The following PDE1A variants were observed in gnomAD, a reference collection of about 807,000 sequenced individuals.
PDE1A encodes phosphodiesterase 1A.
PDE1A carries 35 observed loss-of-function variants against 61.7 expected under a neutral mutation model. The ratio of observed to expected loss-of-function variants is 0.57; its 90% CI spans 0.43 to 0.75. The LOEUF (loss-of-function observed/expected upper bound fraction) is 0.75, where lower values mean the gene tolerates loss of function less well. PDE1A is among the 30% of genes least tolerant of loss of function. The pLI is 0.00. For synonymous variants in PDE1A, 232 were observed against 213.2 expected (o/e 1.09, Z -0.77); for missense variants, 597 against 630.6 (o/e 0.95, Z 0.57).
chr2:182,311,161 G>T lies in PDE1A; in HGVS notation c.54-46747C>A, dbSNP rs531143107. 2.7e-4 allele frequency among the ~76,000 whole-genome samples: 41 copies of T among 152,300 alleles called. 1 individual carries two copies. Among genetic ancestry groups the T allele is most frequent in the African/African-American group, 9.1e-4 (38 of 41,566 alleles). ...CAAAATGTTGGATTATTGAATAGCAGTAAGTTTTTCCTAACTCATATTATA... is the reference window on the plus strand; with the variant it reads ...CAAAATGTTGGATTATTGAATAGCATTAAGTTTTTCCTAACTCATATTATA... On this transcript the variant is annotated intron_variant, in intron 1 of 13. Transcript: ENST00000351439.
chr2:182,420,867 T>C (rs1703233407), intron 1 of PDE1A, among the ~76,000 whole-genome samples: 1 of 152,178 alleles, frequency 6.6e-6, no homozygotes, highest in Non-Finnish European at 1.5e-5. Flanking sequence ...ACTCAGGAAA[T>C]GTTGAATTTT....
chr2:182,609,218 A>G, the PDE1A span, among the ~76,000 whole-genome samples: 1 of 152,190 alleles, frequency 6.6e-6, no homozygotes, highest in Admixed American at 6.5e-5. Flanking sequence ...TGTCTAGCCC[A>G]GGGATTGTAA....
the PDE1A span, among the ~76,000 whole-genome samples, chr2:182,604,606 A>G: frequency 6.6e-6 from 1 of 152,220 alleles, no homozygotes; most frequent in African/African-American, 2.4e-5. Flanking sequence ...TTCAGAAATC[A>G]AAGTTTTTAA....
At chr2:182,160,151 G>T (rs1321488934) in intron 13 of PDE1A, among the ~76,000 whole-genome samples, 1 of 152,146 alleles carries the variant, frequency 6.6e-6, no homozygotes, top group Non-Finnish European at 1.5e-5. Flanking sequence ...AACCAGAATT[G>T]AAAAAGATAG....
chr2:182,478,409 T>A (rs1687506355), intron 2 of PDE1A, among the ~76,000 whole-genome samples: 1 of 151,840 alleles, frequency 6.6e-6, no homozygotes, highest in African/African-American at 2.4e-5. Flanking sequence ...GAGCACTGCA[T>A]TGAGGACAAT....
At chr2:182,366,263 C>G (rs2125211203) in intron 1 of PDE1A, among the ~76,000 whole-genome samples, 1 of 152,120 alleles carries the variant, frequency 6.6e-6, no homozygotes, top group Admixed American at 6.6e-5. Context: ...ATAAGATCCA[C>G]TGTAATAAAT....
chr2:182,145,867 T>C (rs1038548336), downstream of PDE1A, among the ~76,000 whole-genome samples: 5 of 152,190 alleles, frequency 3.3e-5, no homozygotes, highest in Non-Finnish European at 7.3e-5. Context: ...TCTTTGTAAC[T>C]CAAGAATATT....
intron 1 of PDE1A, among the ~76,000 whole-genome samples, chr2:182,404,470 A>C (rs1160984085): frequency 1.3e-5 from 2 of 152,210 alleles, no homozygotes; most frequent in African/African-American, 2.4e-5. Context: ...TCAATAAACA[A>C]ATTAACTTTT....
At chr2:182,235,342 C>A (rs994288761) in intron 3 of PDE1A, among the ~76,000 whole-genome samples, 4 of 152,158 alleles carry the variant, frequency 2.6e-5, no homozygotes, top group African/African-American at 9.7e-5. Flanking sequence ...CAGGGTTTCA[C>A]CATGTTGGTC....
At chr2:182,624,050 G>C in the PDE1A span, among the ~76,000 whole-genome samples, 1 of 151,292 alleles carries the variant, frequency 6.6e-6, no homozygotes, top group East Asian at 1.9e-4. Flanking sequence ...GCGTGAACCC[G>C]GGAGGCAGAG....
chr2:182,658,324 C>A, the PDE1A span, among the ~76,000 whole-genome samples: 1 of 152,222 alleles, frequency 6.6e-6, no homozygotes, highest in East Asian at 1.9e-4. Flanking sequence ...GCAATTGTAA[C>A]ACTCCAATCT....
chr2:182,275,181 T>C (rs561042971), intron 1 of PDE1A, among the ~76,000 whole-genome samples: 9 of 152,056 alleles, frequency 5.9e-5, no homozygotes, highest in South Asian at 2.1e-4. Flanking sequence ...CCCAGTGGCT[T>C]TGGGAGTTCC....
At chr2:182,347,811 G>A (rs1417076681) in intron 1 of PDE1A, among the ~76,000 whole-genome samples, 1 of 152,078 alleles carries the variant, frequency 6.6e-6, no homozygotes, top group Non-Finnish European at 1.5e-5. Flanking sequence ...AAAGTTTTGA[G>A]TATTCATTTT....
intron 1 of PDE1A, among the ~76,000 whole-genome samples, chr2:182,269,520 TA>T (rs957264310): frequency 1.7e-4 from 26 of 151,590 alleles, no homozygotes; most frequent in African/African-American, 5.6e-4. Context: ...AAATAAAAAA[TA>T]AAAAAATTAA....
At chr2:182,633,836 C>G in the PDE1A span, among the ~76,000 whole-genome samples, 3 of 152,122 alleles carry the variant, frequency 2.0e-5, no homozygotes, top group Non-Finnish European at 4.4e-5. Context: ...GTAATCCCAG[C>G]ACTTTGGGAG....
intron 1 of PDE1A, among the ~76,000 whole-genome samples, chr2:182,357,491 G>A (rs952635665): frequency 1.3e-5 from 2 of 152,122 alleles, no homozygotes; most frequent in Non-Finnish European, 2.9e-5. Flanking sequence ...TTTCTTTAGA[G>A]GAGGAAGTCA....
At chr2:182,330,407 G>A (rs1229621956) in intron 1 of PDE1A, among the ~76,000 whole-genome samples, 1 of 151,442 alleles carries the variant, frequency 6.6e-6, no homozygotes, top group Non-Finnish European at 1.5e-5. Flanking sequence ...TTCTTAAAAT[G>A]TAAATATTTT....
At chr2:182,376,675 A>C (rs1700425766) in intron 1 of PDE1A, among the ~76,000 whole-genome samples, 1 of 152,140 alleles carries the variant, frequency 6.6e-6, no homozygotes, top group Admixed American at 6.5e-5. Context: ...GCAATGCCCA[A>C]CTCTAATGGT....
At chr2:182,416,820 G>A (rs1559441269) in intron 1 of PDE1A, among the ~76,000 whole-genome samples, 1 of 152,170 alleles carries the variant, frequency 6.6e-6, no homozygotes, top group African/African-American at 2.4e-5. Context: ...GAGTAAACGA[G>A]TTTTACTACA....
Sources: gnomAD v4.1 joint callset for allele counts (sites outside exome capture counted in the v4.1 genomes callset) on GRCh38, gnomAD v4.1.1 for gene constraint, MANE v1.5 for transcripts, NCBI Gene and HGNC (gene_info 2026-07-23, HGNC 2026-07-21) for gene names.